SNTG2: variants seen among roughly 807,000 people sequenced by gnomAD.
The protein encoded by SNTG2 is syntrophin gamma 2.
Under a neutral mutation model 70.9 loss-of-function variants are expected in SNTG2, and 74 were observed. The observed-to-expected ratio is 1.04, with a 90% CI of 0.86 to 1.27. The LOEUF (loss-of-function observed/expected upper bound fraction) is 1.27. Ranked by LOEUF, SNTG2 falls within the 50% of genes most tolerant of loss-of-function variation. The pLI, the probability that SNTG2 is intolerant of heterozygous loss-of-function variation, is 0.00. For synonymous variants in SNTG2, 278 were observed against 273.8 expected (o/e 1.02, Z -0.15); for missense variants, 717 against 690.7 (o/e 1.04, Z -0.43).
chr2:1,182,347 A>G (rs1366585659), intron 8 of SNTG2, among the ~76,000 whole-genome samples: 1 of 135,446 alleles, frequency 7.4e-6, no homozygotes, highest in African/African-American at 2.7e-5. Context: ...CTGCTTTTCT[A>G]ACTTAAAAAT....
intron 16 of SNTG2, among the ~76,000 whole-genome samples, chr2:1,332,047 C>T (rs1213266597): frequency 2.0e-5 from 3 of 152,198 alleles, no homozygotes; most frequent in African/African-American, 7.2e-5. Context: ...TGCGCTGCAA[C>T]GTCTCATCTC....
At chr2:977,302 A>G (rs1660938203) in intron 1 of SNTG2, among the ~76,000 whole-genome samples, 1 of 152,194 alleles carries the variant, frequency 6.6e-6, no homozygotes, top group African/African-American at 2.4e-5. Flanking sequence ...AGATTTTCAA[A>G]CATGTTAGTA....
At chr2:1,170,596 G>T (rs1274287359) in intron 7 of SNTG2, among the ~76,000 whole-genome samples, 1 of 149,690 alleles carries the variant, frequency 6.7e-6, no homozygotes, top group Non-Finnish European at 1.5e-5. Flanking sequence ...TTTGTGTCTG[G>T]CATCTTCCCC....
intron 1 of SNTG2, among the ~76,000 whole-genome samples, chr2:958,507 G>T (rs1049368511): frequency 6.6e-6 from 1 of 151,778 alleles, no homozygotes; most frequent in Admixed American, 6.5e-5. Context: ...ACTCTGCAAA[G>T]ATATGACATT....
chr2:1,175,278 C>T (rs1241090439), intron 8 of SNTG2, among the ~76,000 whole-genome samples: 2 of 152,148 alleles, frequency 1.3e-5, no homozygotes, highest in Admixed American at 6.5e-5. Context: ...GCTGCTGAGA[C>T]CTCTGTTGTA....
rs151213346 is a variant in SNTG2, at chr2:1,073,621, T to C, written c.73-9897T>C. 5.6e-3 allele frequency among the ~76,000 whole-genome samples: 858 copies of C among 152,328 alleles called. 4 individuals carry two copies. The highest frequency in any genetic ancestry group is 0.034 in the Middle Eastern group (10 of 294). On this transcript the variant is annotated intron_variant, in intron 1 of 16. Transcript: ENST00000308624. ...GTGGTCTAGAACCAAACCTGTGATA[T>C]CTTTGAGGTTGCTTGTTCTTCTTTC...
At chr2:1,252,538 C>T (rs536659036) in intron 12 of SNTG2, among the ~76,000 whole-genome samples, 29 of 152,300 alleles carry the variant, frequency 1.9e-4, no homozygotes, top group Admixed American at 4.6e-4. Context: ...TTTCCATGGA[C>T]CTGGGAGCTG....
chr2:956,987 G>T (rs989070610), intron 1 of SNTG2, among the ~76,000 whole-genome samples: 1 of 152,204 alleles, frequency 6.6e-6, no homozygotes, highest in African/African-American at 2.4e-5. Flanking sequence ...TCCTGCTCAA[G>T]ATTATCCTTC....
chr2:1,147,275 A>G (rs28701475), intron 6 of SNTG2, among the ~76,000 whole-genome samples: 130,108 of 152,194 alleles, frequency 0.85, 56,266 homozygotes, highest in Non-Finnish European at 0.94. Context: ...CAAATTATTG[A>G]TCCTCAGTGT....
intron 1 of SNTG2, among the ~76,000 whole-genome samples, chr2:964,437 TC>T (rs1393252106): frequency 1.3e-5 from 2 of 152,156 alleles, no homozygotes; most frequent in Non-Finnish European, 2.9e-5. Flanking sequence ...ACATTTTACT[TC>T]CAGGAGAGCA....
At chr2:1,237,011 C>T (rs187055258) in intron 9 of SNTG2, among the ~76,000 whole-genome samples, 202 of 149,626 alleles carry the variant, frequency 1.4e-3, no homozygotes, top group Middle Eastern at 3.6e-3. Context: ...GGTGTGATCT[C>T]GGCTCACTGC....
At chr2:1,208,361 C>G (rs28377672) in intron 8 of SNTG2, among the ~76,000 whole-genome samples, 47,151 of 151,718 alleles carry the variant, frequency 0.31, 7,923 homozygotes, top group East Asian at 0.65. Context: ...TCTTGCCGGT[C>G]GCTGGGGCGG....
At chr2:1,266,751 C>CTTTTTTTTT (rs59679083) in intron 13 of SNTG2, among the ~76,000 whole-genome samples, 71,277 of 107,662 alleles carry the variant, frequency 0.66, 25,898 homozygotes, top group Admixed American at 0.74. Context: ...TCATCTTTAT[C>CTTTTTTTTT]TTTTTTTTTT....
intron 9 of SNTG2, among the ~76,000 whole-genome samples, chr2:1,214,984 C>T (rs553430275): frequency 2.0e-5 from 3 of 152,248 alleles, no homozygotes; most frequent in South Asian, 2.1e-4. Context: ...GCATCTATTG[C>T]TACAATGTTA....
At chr2:1,041,426 G>A (rs943052811) in intron 1 of SNTG2, among the ~76,000 whole-genome samples, 24 of 152,128 alleles carry the variant, frequency 1.6e-4, no homozygotes, top group African/African-American at 5.8e-4. Flanking sequence ...AATTGCCTCA[G>A]TACAGTTTAT....
chr2:1,294,581 C>G (rs2148226249), intron 14 of SNTG2, among the ~76,000 whole-genome samples: 1 of 152,266 alleles, frequency 6.6e-6, no homozygotes. Context: ...AATCTCCAAT[C>G]AGAAATGCAG....
In SNTG2 at chr2:1,168,985, G is replaced by A. The variant is rs529043101; in HGVS notation, c.499+3350G>A. 1.2e-4 allele frequency among the ~76,000 whole-genome samples: 19 copies of A among 152,270 alleles called. 1 individual carries two copies. Among genetic ancestry groups the A allele is most frequent in the African/African-American group, 4.6e-4 (19 of 41,566 alleles). Reference sequence around the variant, plus strand: ...TTTGAGAAACGTTGCTGTGAGTTGGGAAGGGGGTGGACTTGAGGGCTGCAC... The same window carrying A: ...TTTGAGAAACGTTGCTGTGAGTTGGAAAGGGGGTGGACTTGAGGGCTGCAC... On this transcript the variant is annotated intron_variant, in intron 7 of 16. Coordinates refer to ENST00000308624, the MANE Select transcript of SNTG2 (RefSeq NM_018968.4).
intron 7 of SNTG2, among the ~76,000 whole-genome samples, chr2:1,168,279 C>T (rs1670885282): frequency 6.7e-6 from 1 of 149,594 alleles, no homozygotes; most frequent in South Asian, 2.1e-4. Context: ...AGAACTGAAG[C>T]CTAGAAGCCG....
chr2:1,071,215 G>A (rs541110776), intron 1 of SNTG2, among the ~76,000 whole-genome samples: 2 of 151,584 alleles, frequency 1.3e-5, no homozygotes, highest in East Asian at 3.9e-4. Context: ...TGTTTATTGC[G>A]GCATTACTCA....
Sources: gnomAD v4.1 joint callset for allele counts (sites outside exome capture counted in the v4.1 genomes callset) on GRCh38, gnomAD v4.1.1 for gene constraint, MANE v1.5 for transcripts, NCBI Gene and HGNC (gene_info 2026-07-23, HGNC 2026-07-21) for gene names.